The following BBS10 variants were observed in gnomAD, a reference collection of about 807,000 sequenced individuals.
The protein encoded by BBS10 is BBSome complex assembly protein BBS10.
Under a neutral mutation model 12.7 loss-of-function variants are expected in BBS10, and 13 were observed. That is an observed-to-expected ratio of 1.03 (90% CI 0.67 to 1.63). The LOEUF (loss-of-function observed/expected upper bound fraction) is 1.63, where lower values mean the gene tolerates loss of function less well. Ranked by LOEUF, BBS10 falls within the 40% of genes most tolerant of loss-of-function variation. BBS10 has a pLI of 0.00. For missense variants in BBS10, 858 were observed against 858.0 expected (o/e 1.00, Z 0.00); for synonymous variants, 294 against 304.8 (o/e 0.96, Z 0.37).
In BBS10 at chr12:76,346,344, A is replaced by C. The variant is rs2136090029; in HGVS notation, c.1641T>G (p.Ala547=). Reference sequence around the variant, plus strand: ...CTATTCTATTTCCCCTTGTTGAATAAGCAGTGGAATTGTTCTTGAGTAATG... The same window carrying C: ...CTATTCTATTTCCCCTTGTTGAATACGCAGTGGAATTGTTCTTGAGTAATG... ...YEPLLKNNST[A]YSTRGNRIEI... Residue 547 remains alanine, a synonymous_variant, in exon 2 of 2, where the codon GCT becomes GCG. Coordinates refer to ENST00000650064, the MANE Select transcript of BBS10 (RefSeq NM_024685.4). 6.2e-7 allele frequency: 1 copy of C among 1,614,072 alleles called. No individual in the cohort carries two copies. Among genetic ancestry groups the C allele is most frequent in the Middle Eastern group, 1.6e-4 (1 of 6,062 alleles).
In BBS10 at chr12:76,347,526, A is replaced by G; in HGVS notation, c.459T>C (p.Phe153=). ...GIMDQYLSRH[F]LSIFSSAKER... ...CTTTAGCAGACGAAAAGATAGACAA[A>G]AAGTGTCTACTTAGGTACTGGTCCA... The change falls in exon 2 of 2, where the codon TTT becomes TTC. Residue 153 remains phenylalanine, a synonymous_variant. Coordinates refer to ENST00000650064, the MANE Select transcript of BBS10 (RefSeq NM_024685.4). 1 of 1,613,822 alleles carries G rather than the reference A, an allele frequency of 6.2e-7. No individual in the cohort carries two copies. Among genetic ancestry groups the G allele is most frequent in the Non-Finnish European group, 8.5e-7 (1 of 1,180,006 alleles).
In BBS10 at chr12:76,347,525, A is replaced by G. The variant is rs754415474; in HGVS notation, c.460T>C (p.Leu154=). 3 of 1,613,844 alleles carry G rather than the reference A, an allele frequency of 1.9e-6. No homozygotes were observed. Among genetic ancestry groups the G allele is most frequent in the East Asian group, 4.5e-5 (2 of 44,864 alleles). Residue 154 remains leucine (L), a synonymous_variant, in exon 2 of 2, where the codon TTG becomes CTG. Coordinates refer to ENST00000650064, the MANE Select transcript of BBS10 (RefSeq NM_024685.4). ...TCTTTAGCAGACGAAAAGATAGACAAAAAGTGTCTACTTAGGTACTGGTCC... is the reference window on the plus strand; with the variant it reads ...TCTTTAGCAGACGAAAAGATAGACAGAAAGTGTCTACTTAGGTACTGGTCC... ...IMDQYLSRHF[L]SIFSSAKERT...
chr12:76,346,150 T>C lies in BBS10; in HGVS notation c.1835A>G (p.Tyr612Cys). ...TTTTTTGGCATAATTGAGAAGATAG[T>C]AATGTAACAAGATCTCAAAATTACC... Reference protein sequence around the residue: ...VGGNFEILLHYYLLNYAKKCH... With the variant: ...VGGNFEILLHCYLLNYAKKCH... The change falls in exon 2 of 2, where the codon TAC (tyrosine) becomes TGC (cysteine). Residue 612 changes from tyrosine (Y) to cysteine (C), a missense_variant. Tyr to Cys is a radical substitution (Grantham distance 194). Transcript: ENST00000650064. The C allele has an allele frequency of 1.2e-6, 2 of 1,610,310 alleles. No homozygotes were observed. Among genetic ancestry groups the C allele is most frequent in the Non-Finnish European group, 1.7e-6 (2 of 1,178,960 alleles).
In BBS10 at chr12:76,345,752, C is replaced by T; in HGVS notation, c.*61G>A. The T allele has an allele frequency of 6.8e-7, 1 of 1,470,818 alleles. No individual in the cohort carries two copies. The highest frequency in any genetic ancestry group is 9.4e-7 in the Non-Finnish European group (1 of 1,058,942). The allele number at this position is 1,470,818 out of a possible 1,614,324, so 91.1% of individuals were successfully genotyped here. A position where few individuals can be genotyped will look rare whatever the true frequency, so the allele number is the denominator to read the frequency against. On this transcript the variant is annotated 3_prime_UTR_variant, in exon 2 of 2. Transcript: ENST00000650064. ...GAACTGACTTTAGAACCAGTGGTCA[C>T]ATGACTGCTTTACTTGGCTTGAGTT... is the stretch of plus-strand genomic sequence containing the variant.
chr12:76,346,383 A>C lies in BBS10; in HGVS notation c.1602T>G (p.Thr534=), dbSNP rs750402316. 3.7e-6 allele frequency: 6 copies of C among 1,614,056 alleles called. No individual in the cohort carries two copies. The South Asian group carries it at 6.6e-5, about 18-fold the overall frequency. ...TCLSLERNRL[T]DYYEPLLKNN... Reference sequence around the variant, plus strand: ...TCTTGAGTAATGGTTCATAATAATCAGTTAGCCTGTTTCTTTCCAAAGACA... The same window carrying C: ...TCTTGAGTAATGGTTCATAATAATCCGTTAGCCTGTTTCTTTCCAAAGACA... Residue 534 remains threonine, a synonymous_variant, in exon 2 of 2, where the codon ACT becomes ACG. Transcript: ENST00000650064.
Position 76,346,015 on chromosome 12 carries a change from G to A in BBS10, c.1970C>T (p.Thr657Ile), listed in dbSNP as rs773540960. Reference sequence around the variant, plus strand: ...CAGTGCATGGACAGCTCTTATATATGTATGTGGAAAGCTGTACTTTCCTGT... The same window carrying A: ...CAGTGCATGGACAGCTCTTATATATATATGTGGAAAGCTGTACTTTCCTGT... ...SKTGKYSFPH[T>I]YIRAVHALQT... Residue 657 changes from threonine to isoleucine, a missense_variant, in exon 2 of 2, where the codon ACA becomes ATA. Coordinates refer to ENST00000650064, the MANE Select transcript of BBS10 (RefSeq NM_024685.4). The A allele has an allele frequency of 2.9e-5, 46 of 1,613,856 alleles. No individual in the cohort carries two copies. Among genetic ancestry groups the A allele is most frequent in the Non-Finnish European group, 3.6e-5 (42 of 1,179,924 alleles).
rs755814743 is a variant in BBS10 at position 76,348,169 on chromosome 12, T to C, written c.190A>G (p.Ile64Val). The change falls in exon 1 of 2, where the codon ATA (isoleucine) becomes GTA (valine). Residue 64 changes from isoleucine to valine, a missense_variant. Transcript: ENST00000650064. ...CGTGTGGGACGCGGGTACCTGGCTA[T>C]GGGATGCTCTAAGTGTAGCGCCTCC... ...LLEALHLEHP[I>V]ARMIVDCVSS... 7.5e-6 allele frequency: 12 copies of C among 1,609,668 alleles called. No homozygotes were observed. The highest frequency in any genetic ancestry group is 1.6e-4 in the Middle Eastern group (1 of 6,062).
rs1565810471 is a variant in BBS10 at position 76,348,313 on chromosome 12, G to C, written c.46C>G (p.Gln16Glu). The C allele has an allele frequency of 6.2e-7, 1 of 1,610,058 alleles. No homozygotes were observed. Among genetic ancestry groups the C allele is most frequent in the East Asian group, 2.2e-5 (1 of 44,650 alleles). ...AAAGSVKAAL[Q>E]VAEVLEAIVS... ...ATGGCTTCCAGCACCTCGGCCACCTGCAACGCCGCCTTCACAGACCCTGCA... is the reference window on the plus strand; with the variant it reads ...ATGGCTTCCAGCACCTCGGCCACCTCCAACGCCGCCTTCACAGACCCTGCA... The change falls in exon 1 of 2, where the codon CAG (glutamine) becomes GAG (glutamate). Residue 16 changes from glutamine (Q) to glutamate (E), a missense_variant. Gln to Glu is a conservative substitution (Grantham distance 29). Coordinates refer to ENST00000650064, the MANE Select transcript of BBS10 (RefSeq NM_024685.4).
In BBS10 at chr12:76,346,636, T is replaced by C. The variant is rs780142293; in HGVS notation, c.1349A>G (p.Asn450Ser). The stretch of plus-strand genomic sequence containing the variant: ...TGGTGCTTGATAACTTTCTCCACTG[T>C]TCTTATAAATAAAAAGACTTGAAGT... ...NGTSSLFIYK[N>S]SGESYQAPDP... Residue 450 changes from asparagine to serine, a missense_variant, in exon 2 of 2, where the codon AAC (asparagine) becomes AGC (serine). By Grantham distance (46) the Asn-to-Ser change is conservative. Transcript: ENST00000650064. The C allele has an allele frequency of 1.9e-6, 3 of 1,613,938 alleles. No individual in the cohort carries two copies. Among genetic ancestry groups the C allele is most frequent in the Non-Finnish European group, 2.5e-6 (3 of 1,179,948 alleles).
Position 76,346,951 on chromosome 12 carries a change from A to T in BBS10, c.1034T>A (p.Ile345Asn). ...SSEEVSLIRR[I>N]IGLSPFVPPQ... Reference sequence around the variant, plus strand: ...TGGTACAAATGGAGAAAGACCAATGATCCTCCGGATAAGAGAAACTTCTTC... The same window carrying T: ...TGGTACAAATGGAGAAAGACCAATGTTCCTCCGGATAAGAGAAACTTCTTC... Residue 345 changes from isoleucine to asparagine, a missense_variant, in exon 2 of 2, where the codon ATC (isoleucine) becomes AAC (asparagine). Ile to Asn is a moderately radical substitution (Grantham distance 149). Transcript: ENST00000650064. 1 of 1,611,110 alleles carries T rather than the reference A, an allele frequency of 6.2e-7. No individual in the cohort carries two copies. Among genetic ancestry groups the T allele is most frequent in the Non-Finnish European group, 8.5e-7 (1 of 1,180,014 alleles).
rs1176176320 is a variant in BBS10, at chr12:76,347,779, A to T, written c.206T>A (p.Val69Glu). ...TTTGAGATGACTGGAAACACAGTCC[A>T]CTATCATCCTGTACAAAAAAGAAAT... ...HLEHPIARMI[V>E]DCVSSHLKKT... The change falls in exon 2 of 2, where the codon GTG becomes GAG. Residue 69 changes from valine to glutamate, a missense_variant. Val to Glu is a moderately radical substitution (Grantham distance 121). Transcript: ENST00000650064. 2 of 1,601,124 alleles carry T rather than the reference A, an allele frequency of 1.2e-6. No individual in the cohort carries two copies. The highest frequency in any genetic ancestry group is 1.7e-6 in the Non-Finnish European group (2 of 1,179,706).
In BBS10 at chr12:76,346,979, A is replaced by G. The variant is rs753411602; in HGVS notation, c.1006T>C (p.Ser336Pro). The part of the protein sequence containing the change: ...NGISVVECLS[S>P]EEVSLIRRII... The stretch of plus-strand genomic sequence containing the variant: ...CTCCGGATAAGAGAAACTTCTTCTG[A>G]TGATAAACACTCAACCACTGATATG... The change falls in exon 2 of 2, where the codon TCA (serine) becomes CCA (proline). Residue 336 changes from serine (S) to proline (P), a missense_variant. Physicochemically the swap from Ser to Pro is moderately conservative, Grantham distance 74. Transcript: ENST00000650064. 6.2e-7 allele frequency: 1 copy of G among 1,611,330 alleles called. No homozygotes were observed. Among genetic ancestry groups the G allele is most frequent in the East Asian group, 2.2e-5 (1 of 44,884 alleles).
intron 1 of BBS10, 120 bp from the exon 2 acceptor site, chr12:76,347,907 T>G (rs1951775404): frequency 8.3e-7 from 1 of 1,201,760 alleles, no homozygotes; most frequent in African/African-American, 1.5e-5. Context: ...ACATCCTTAG[T>G]TTTTTCCTTT....
chr12:76,345,680 G>T lies in BBS10; in HGVS notation c.*133C>A. The T allele has an allele frequency of 1.2e-6, 1 of 807,686 alleles. No individual in the cohort carries two copies. Among genetic ancestry groups the T allele is most frequent in the Non-Finnish European group, 2.0e-6 (1 of 490,556 alleles). 50.0% of individuals were successfully genotyped at this position (807,686 alleles called of 1,614,324 possible). On this transcript the variant is annotated 3_prime_UTR_variant, in exon 2 of 2. Transcript: ENST00000650064. ...GTATCTGGTCTGGTGACCTTAGTGT[G>T]CTTCTTCTAAAGACTTTTAAAGTTA...
rs747945815 is a variant in BBS10 at position 76,347,482 on chromosome 12, C to A, written c.503G>T (p.Ser168Ile). Reference protein sequence around the residue: ...SSAKERTLCRSSLELLLEAYF... With the variant: ...SSAKERTLCRISLELLLEAYF... ...TGCTTCTAAGAGCAACTCTAAAGAGCTCCTACACAATGTTCTCTCTTTAGC... is the reference window on the plus strand; with the variant it reads ...TGCTTCTAAGAGCAACTCTAAAGAGATCCTACACAATGTTCTCTCTTTAGC... Residue 168 changes from serine to isoleucine, a missense_variant, in exon 2 of 2, where the codon AGC becomes ATC. Ser to Ile is a moderately radical substitution (Grantham distance 142). Transcript: ENST00000650064. 1.9e-6 allele frequency: 3 copies of A among 1,613,688 alleles called. No homozygotes were observed. In the South Asian group the frequency reaches 3.3e-5, roughly 18 times the overall value.
intron 1 of BBS10, 114 bp downstream of exon 1, chr12:76,348,048 C>A: frequency 1.6e-6 from 2 of 1,226,536 alleles, no homozygotes; most frequent in South Asian, 1.5e-5. Flanking sequence ...GAGCATACAG[C>A]GGTTTCACCC....
In BBS10 at chr12:76,345,720, G is replaced by A. The variant is rs998315505; in HGVS notation, c.*93C>T. ...TTTTAAAGTTACGCTATTTTCCTAA[G>A]TAGACTGAACTGACTTTAGAACCAG... On this transcript the variant is annotated 3_prime_UTR_variant, in exon 2 of 2. Coordinates refer to ENST00000650064, the MANE Select transcript of BBS10 (RefSeq NM_024685.4). 6.9e-6 allele frequency: 8 copies of A among 1,163,028 alleles called. No homozygotes were observed. The Middle Eastern group carries it at 8.3e-4, about 121-fold the overall frequency. The allele number at this position is 1,163,028 out of a possible 1,614,324, so 72.0% of individuals were successfully genotyped here.
Position 76,346,581 on chromosome 12 carries a change from A to C in BBS10, c.1404T>G (p.Pro468=). The C allele has an allele frequency of 6.2e-7, 1 of 1,614,142 alleles. No homozygotes were observed. The highest frequency in any genetic ancestry group is 8.5e-7 in the Non-Finnish European group (1 of 1,180,000). Residue 468 remains proline, a synonymous_variant, in exon 2 of 2, where the codon CCT becomes CCG. Transcript: ENST00000650064. ...PDPGNGSIQR[P]YQDTVAENKD... ...TGTTCTCTGCAACTGTGTCCTGATAAGGCCTTTGTATTGAGCCATTACCAG... is the reference window on the plus strand; with the variant it reads ...TGTTCTCTGCAACTGTGTCCTGATACGGCCTTTGTATTGAGCCATTACCAG...
At position 76,348,375 on chromosome 12, in the gene BBS10, C is replaced by G; in HGVS notation, c.-17G>C. The G allele has an allele frequency of 1.3e-6, 2 of 1,563,086 alleles. No homozygotes were observed. Among genetic ancestry groups the G allele is most frequent in the South Asian group, 2.3e-5 (2 of 85,634 alleles). On this transcript the variant is annotated 5_prime_UTR_variant, in exon 1 of 2. Transcript: ENST00000650064. ...ACTTAACATATCTGGGCCGCTTCCC[C>G]TTTTTGACCAGCTTGCAGAACACCC...
Sources: gnomAD v4.1 joint callset for allele counts on GRCh38, gnomAD v4.1.1 for gene constraint, MANE v1.5 for transcripts, NCBI Gene and HGNC (gene_info 2026-07-23, HGNC 2026-07-21) for gene names.